Variants in SUPT6H observed in about 807,000 individuals in gnomAD.
SUPT6H encodes SPT6 homolog, histone chaperone and transcription elongation factor.
In SUPT6H, 11 loss-of-function variants were observed where a neutral mutation model predicts 222.3. That is an observed-to-expected ratio of 0.05 (90% CI 0.03 to 0.08). The LOEUF is 0.08. Among genes scored for constraint, SUPT6H ranks in the 10% least tolerant of loss-of-function variants. The pLI is 1.00. For missense variants in SUPT6H, 1,422 were observed against 2,216.0 expected (o/e 0.64, Z 7.19); for synonymous variants, 762 against 801.2 (o/e 0.95, Z 0.83).
Position 28,677,765 on chromosome 17 carries a change from A to T in SUPT6H, c.948A>T (p.Glu316Asp). Residue 316 changes from glutamate (E) to aspartate (D), a missense_variant, in exon 8 of 37, where the codon GAA becomes GAT. Coordinates refer to ENST00000314616, the MANE Select transcript of SUPT6H (RefSeq NM_003170.5). ...CTGAAGATGATGAACTAGAAGAAGA[A>T]GCTGACTGGATCTACAGGAATGCTT... ...KGAEDDELEE[E>D]ADWIYRNAFA... The T allele has an allele frequency of 6.2e-7, 1 of 1,614,222 alleles. No individual in the cohort carries two copies. Among genetic ancestry groups the T allele is most frequent in the South Asian group, 1.1e-5 (1 of 91,086 alleles).
Position 28,674,737 on chromosome 17 carries a change from A to G in SUPT6H, c.345+124A>G, listed in dbSNP as rs550671661. 7 of 956,778 alleles carry G rather than the reference A, an allele frequency of 7.3e-6. No individual in the cohort carries two copies. The East Asian group carries it at 1.5e-4, about 20-fold the overall frequency. 59.3% of individuals were successfully genotyped at this position (956,778 alleles called of 1,614,324 possible). On this transcript the variant is annotated intron_variant, in intron 4 of 36. Transcript: ENST00000314616. Reference sequence around the variant, plus strand: ...AGAACATTAGAGCACGGTGTTCGGTATCATTGTACTACGGAGCCTAGATTT... The same window carrying G: ...AGAACATTAGAGCACGGTGTTCGGTGTCATTGTACTACGGAGCCTAGATTT...
intron 26 of SUPT6H, among the ~76,000 whole-genome samples, chr17:28,690,447 G>T (rs973466869): frequency 3.3e-5 from 5 of 152,186 alleles, no homozygotes; most frequent in African/African-American, 1.2e-4. Flanking sequence ...CATGCAGTTA[G>T]TCTTCTTATA....
At chr17:28,699,990 G>A in intron 33 of SUPT6H, 97 bp downstream of exon 33, 1 of 1,383,744 alleles carries the variant, frequency 7.2e-7, no homozygotes, top group Non-Finnish European at 1.0e-6. Context: ...GTGAGGAGTA[G>A]GCTGTCACTG....
chr17:28,677,868 A>G (rs368895101), intron 8 of SUPT6H, 52 bp downstream of exon 8: 187 of 1,526,916 alleles, frequency 1.2e-4, no homozygotes, highest in African/African-American at 2.1e-4. Context: ...ACACTTCATC[A>G]AGATGGGGAG....
In SUPT6H at chr17:28,687,131, C is replaced by A; in HGVS notation, c.2744C>A (p.Ser915Tyr). Residue 915 changes from serine (S) to tyrosine (Y), a missense_variant, in exon 22 of 37, where the codon TCC becomes TAC. Around this residue, in one of 13 missense-constraint regions of SUPT6H, gnomAD observed 294 missense variants for 382.1 expected, o/e 0.77. Coordinates refer to ENST00000314616, the MANE Select transcript of SUPT6H (RefSeq NM_003170.5). ...CCTCCAGTGCTGAGACAGGCCGTCT[C>A]CCTGGCCCGGCGCATCCAGGACCCT... is the stretch of plus-strand genomic sequence containing the variant. ...DYPPVLRQAVSLARRIQDPLI... is the reference protein window; with the variant it reads ...DYPPVLRQAVYLARRIQDPLI... 1 of 1,614,000 alleles carries A rather than the reference C, an allele frequency of 6.2e-7. No homozygotes were observed. Among genetic ancestry groups the A allele is most frequent in the South Asian group, 1.1e-5 (1 of 91,074 alleles).
chr17:28,683,839 T>A, intron 17 of SUPT6H, 23 bp downstream of exon 17: 1 of 1,305,502 alleles, frequency 7.7e-7, no homozygotes, highest in Non-Finnish European at 1.0e-6. Flanking sequence ...ACTCATGATT[T>A]TTTTTTTTTT....
intron 1 of SUPT6H, among the ~76,000 whole-genome samples, chr17:28,666,893 T>C (rs896963783): frequency 6.6e-6 from 1 of 152,204 alleles, no homozygotes; most frequent in Non-Finnish European, 1.5e-5. Context: ...AAATTAACTT[T>C]TTCTGTATTT....
At chr17:28,689,136 A>C in intron 24 of SUPT6H, 1 of 544,700 alleles carries the variant, frequency 1.8e-6, no homozygotes, top group South Asian at 2.4e-5. Flanking sequence ...CATATGGTTC[A>C]TAGTGTTTTT....
chr17:28,692,223 CTGAGG>C, intron 27 of SUPT6H, among the ~76,000 whole-genome samples: 1 of 151,130 alleles, frequency 6.6e-6, no homozygotes, highest in East Asian at 2.0e-4. Flanking sequence ...ACTCGGGAGG[CTGAGG>C]CAGGAGAATG....
intron 27 of SUPT6H, chr17:28,691,312 G>C (rs956261697): frequency 7.1e-6 from 3 of 422,122 alleles, no homozygotes; most frequent in Non-Finnish European, 1.3e-5. Context: ...GTTCATCTGA[G>C]ATCAGGGGTT....
In SUPT6H at chr17:28,678,096, C is replaced by A. The variant is rs779644751; in HGVS notation, c.1020C>A (p.Asp340Glu). The part of the protein sequence containing the change: ...ISLQESCDYL[D>E]RGQPASSFSR... ...TGTAGGAAAGCTGTGATTACCTAGA[C>A]CGAGGGCAGCCAGCCAGCAGCTTCA... The change falls in exon 9 of 37, where the codon GAC (aspartate) becomes GAA (glutamate). Residue 340 changes from aspartate (D) to glutamate (E), a missense_variant. Transcript: ENST00000314616. 1.9e-6 allele frequency: 3 copies of A among 1,613,240 alleles called. No individual in the cohort carries two copies. The highest frequency in any genetic ancestry group is 2.5e-6 in the Non-Finnish European group (3 of 1,179,776).
At chr17:28,678,280 C>T in intron 9 of SUPT6H, 88 bp downstream of exon 9, 1 of 1,209,872 alleles carries the variant, frequency 8.3e-7, no homozygotes, top group Non-Finnish European at 1.2e-6. Flanking sequence ...GGTGGGAGCC[C>T]CCTTCCCGTA....
At chr17:28,667,461 A>ATGTATATGTGTATATATGTGTG (rs1443650840) in intron 1 of SUPT6H, among the ~76,000 whole-genome samples, 7 of 132,742 alleles carry the variant, frequency 5.3e-5, no homozygotes, top group Non-Finnish European at 9.5e-5. Context: ...ATACATATGT[A>ATGTATATGTGTATATATGTGTG]TGTATATGTG....
chr17:28,674,691 G>A (rs1597692249), intron 4 of SUPT6H, 78 bp downstream of exon 4: 6 of 1,329,460 alleles, frequency 4.5e-6, no homozygotes, highest in African/African-American at 1.4e-5. Context: ...TGGGTGAGGA[G>A]GCACACGCAG....
At position 28,700,929 on chromosome 17, in the gene SUPT6H, A is replaced by G. The variant is rs1406019234; in HGVS notation, c.4807-12A>G. 1 of 1,606,258 alleles carries G rather than the reference A, an allele frequency of 6.2e-7. No homozygotes were observed. The highest frequency in any genetic ancestry group is 1.1e-5 in the South Asian group (1 of 90,682). ...CACACCCATCCCTATTTAACTGTTCATGCCTCTCCAGGTATTCCCAACGCC... is the reference window on the plus strand; with the variant it reads ...CACACCCATCCCTATTTAACTGTTCGTGCCTCTCCAGGTATTCCCAACGCC... On this transcript the variant is annotated splice_polypyrimidine_tract_variant and intron_variant, in intron 35 of 36. Coordinates refer to ENST00000314616, the MANE Select transcript of SUPT6H (RefSeq NM_003170.5).
At position 28,691,533 on chromosome 17, in the gene SUPT6H, GA is replaced by G. The variant is rs935833737; in HGVS notation, c.3633+479del. 84 of 151,668 alleles carry G rather than the reference GA, an allele frequency of 5.5e-4. No individual in the cohort carries two copies. In the East Asian group the frequency reaches 0.011, roughly 21 times the overall value. 9.4% of individuals were successfully genotyped at this position (151,668 alleles called of 1,614,324 possible). ...AGAATGAGACTTCATCTCAGAAAAG[GA>G]AAAAAAAAGGCTGACTTAGAAACTT... On this transcript the variant is annotated intron_variant, in intron 27 of 36. Coordinates refer to ENST00000314616, the MANE Select transcript of SUPT6H (RefSeq NM_003170.5).
In SUPT6H at chr17:28,701,000, C is replaced by A; in HGVS notation, c.4866C>A (p.Ser1622=). The A allele has an allele frequency of 1.9e-6, 3 of 1,614,176 alleles. No individual in the cohort carries two copies. Among genetic ancestry groups the A allele is most frequent in the Non-Finnish European group, 2.5e-6 (3 of 1,180,002 alleles). The change falls in exon 36 of 37, where the codon TCC becomes TCA. Residue 1622 remains serine, a synonymous_variant. Coordinates refer to ENST00000314616, the MANE Select transcript of SUPT6H (RefSeq NM_003170.5). ...VATPLMTPSY[S]YTTPSQPITT... The stretch of plus-strand genomic sequence containing the variant: ...CACCACTAATGACCCCTAGCTACTC[C>A]TACACGACCCCAAGCCAGCCCATCA...
chr17:28,696,826 CTT>C lies in SUPT6H; in HGVS notation c.3971-15_3971-14del. 2 of 1,612,310 alleles carry C rather than the reference CTT, an allele frequency of 1.2e-6. No individual in the cohort carries two copies. Among genetic ancestry groups the C allele is most frequent in the Non-Finnish European group, 1.7e-6 (2 of 1,178,486 alleles). ...TAGCCCCATCACCCAGTCTGTACTG[CTT>C]TTCTGCCCTTTTCAGCATACATCAA... On this transcript the variant is annotated splice_polypyrimidine_tract_variant and intron_variant, in intron 29 of 36. Coordinates refer to ENST00000314616, the MANE Select transcript of SUPT6H (RefSeq NM_003170.5).
intron 19 of SUPT6H, among the ~76,000 whole-genome samples, chr17:28,685,472 CATT>C (rs3076012): frequency 0.13 from 18,858 of 144,222 alleles, 1,311 homozygotes; most frequent in East Asian, 0.27. Flanking sequence ...TTATTATTAT[CATT>C]ATTATTATTA....
Sources: allele counts gnomAD v4.1 joint callset (sites outside exome capture counted in the v4.1 genomes callset), GRCh38; gene constraint gnomAD v4.1.1; regional missense constraint gnomAD v4.1.1; transcripts MANE v1.5; gene names NCBI Gene and HGNC (gene_info 2026-07-23, HGNC 2026-07-21).